MED23: variants seen among roughly 807,000 people sequenced by gnomAD.
The protein encoded by MED23 is mediator complex subunit 23, also known as mediator of RNA polymerase II transcription subunit 23.
MED23 carries 105 observed loss-of-function variants against 163.9 expected under a neutral mutation model. The observed-to-expected ratio is 0.64, with a 90% CI of 0.55 to 0.75. The LOEUF is 0.75. MED23 is among the 30% of genes least tolerant of loss of function. MED23 has a pLI of 0.00. For synonymous variants in MED23, 561 were observed against 565.6 expected (o/e 0.99, Z 0.12); for missense variants, 1,054 against 1,649.0 (o/e 0.64, Z 6.25).
At chr6:131,578,015 T>TA (rs1427095466) in intron 30 of MED23, among the ~76,000 whole-genome samples, 1 of 151,676 alleles carries the variant, frequency 6.6e-6, no homozygotes, top group Non-Finnish European at 1.5e-5. Context: ...ATTCCACTGA[T>TA]ACGACATTCT....
intron 21 of MED23, 110 bp downstream of exon 21, chr6:131,596,408 T>C (rs1181825135): frequency 5.6e-6 from 7 of 1,260,428 alleles, no homozygotes; most frequent in Non-Finnish European, 5.8e-6. Context: ...TACTTCTATA[T>C]AGACAAGAGA....
intron 30 of MED23, among the ~76,000 whole-genome samples, chr6:131,581,723 G>C (rs1323843591): frequency 1.3e-5 from 2 of 152,130 alleles, no homozygotes; most frequent in Non-Finnish European, 2.9e-5. Context: ...CTAGCACCAG[G>C]TCTCCTCATT....
At chr6:131,599,845 C>T (rs1038677181) in intron 18 of MED23, among the ~76,000 whole-genome samples, 193 bp downstream of exon 18, 3 of 151,856 alleles carry the variant, frequency 2.0e-5, no homozygotes, top group Non-Finnish European at 4.4e-5. Context: ...TGGGCTCAAG[C>T]CATCCCCCTT....
At chr6:131,578,809 T>C (rs1005255986) in intron 30 of MED23, among the ~76,000 whole-genome samples, 1 of 152,128 alleles carries the variant, frequency 6.6e-6, no homozygotes, top group Non-Finnish European at 1.5e-5. Context: ...ACAGTGGCAT[T>C]CCCTATTAAG....
In MED23 at chr6:131,587,861, C is replaced by T. The variant is rs778576415; in HGVS notation, c.3940-15G>A. 1.8e-5 allele frequency: 28 copies of T among 1,599,776 alleles called. No homozygotes were observed. The African/African-American group carries it at 2.3e-4, about 13-fold the overall frequency. On this transcript the variant is annotated splice_polypyrimidine_tract_variant and intron_variant, in intron 28 of 28. Coordinates refer to ENST00000368068, the MANE Select transcript of MED23 (RefSeq NM_004830.4). ...ATCTTCTCTACCTAAGAAATAAAAACACATTAAAACGTACTTTAATCAGAG... is the reference window on the plus strand; with the variant it reads ...ATCTTCTCTACCTAAGAAATAAAAATACATTAAAACGTACTTTAATCAGAG...
At chr6:131,583,862 G>A (rs377280518), downstream of MED23, 14 of 1,613,980 alleles carry the variant, frequency 8.7e-6, no homozygotes, top group African/African-American at 8.0e-5. Context: ...GGACTTGCTC[G>A]GGAGGGTAAT....
intron 10 of MED23, among the ~76,000 whole-genome samples, chr6:131,613,470 C>T (rs1189832202): frequency 6.6e-6 from 1 of 152,036 alleles, no homozygotes; most frequent in African/African-American, 2.4e-5. Context: ...AGAGAAAGGA[C>T]AAGAAAGTAT....
At position 131,627,397 on chromosome 6, in the gene MED23, TGAGA is replaced by T. The variant is rs745355488; in HGVS notation, c.154_157del (p.Ser52ArgfsTer31). The T allele has an allele frequency of 3.7e-6, 6 of 1,611,874 alleles. No individual in the cohort carries two copies. The highest frequency in any genetic ancestry group is 1.7e-5 in the Admixed American group (1 of 59,886). On this transcript the variant is annotated frameshift_variant and splice_region_variant, in exon 3 of 29. Coordinates refer to ENST00000368068, the MANE Select transcript of MED23 (RefSeq NM_004830.4). LOFTEE classifies it high-confidence loss of function. ...ATGTATTAAAAATGAAGCGCTCACC[TGAGA>T]AAGACCACCCCAAAACTGTCTGAAG...
At chr6:131,604,529 T>C (rs1333502894) in intron 14 of MED23, among the ~76,000 whole-genome samples, 3 of 152,180 alleles carry the variant, frequency 2.0e-5, no homozygotes, top group Non-Finnish European at 4.4e-5. Flanking sequence ...GCTTTCAATA[T>C]GCATACGGAT....
chr6:131,593,768 A>T (rs549437292), intron 23 of MED23, among the ~76,000 whole-genome samples: 1 of 152,276 alleles, frequency 6.6e-6, no homozygotes, highest in African/African-American at 2.4e-5. Flanking sequence ...TACGTTCTCC[A>T]GTAGCACACA....
At chr6:131,626,145 A>C (rs1396676435) in intron 3 of MED23, among the ~76,000 whole-genome samples, 1 of 151,556 alleles carries the variant, frequency 6.6e-6, no homozygotes, top group Non-Finnish European at 1.5e-5. Context: ...AAAAAAGAAA[A>C]GAAAAAGATA....
downstream of MED23, chr6:131,582,788 C>T (rs1490667467): frequency 1.6e-6 from 2 of 1,266,762 alleles, no homozygotes; most frequent in African/African-American, 2.9e-5. Flanking sequence ...TACTGACCAA[C>T]TCTATGAGAG....
At chr6:131,613,697 T>C (rs1458849940) in intron 10 of MED23, among the ~76,000 whole-genome samples, 1 of 152,226 alleles carries the variant, frequency 6.6e-6, no homozygotes, top group East Asian at 1.9e-4. Context: ...TTTTTGACAA[T>C]GTTTACACTA....
At position 131,591,461 on chromosome 6, in the gene MED23, C is replaced by T; in HGVS notation, c.3538G>A (p.Glu1180Lys). The T allele has an allele frequency of 1.2e-6, 2 of 1,613,958 alleles. No homozygotes were observed. The highest frequency in any genetic ancestry group is 1.7e-6 in the Non-Finnish European group (2 of 1,179,852). ...AATGGATAGCCAACCCACTCTGTTTCAGACGTCAAGCTGGGGCTGCTGATG... is the reference window on the plus strand; with the variant it reads ...AATGGATAGCCAACCCACTCTGTTTTAGACGTCAAGCTGGGGCTGCTGATG... ...SVISSPSLTS[E>K]TEWVGYPFRL... The change falls in exon 26 of 29, where the codon GAA becomes AAA. Residue 1180 changes from glutamate (E) to lysine (K), a missense_variant. Transcript: ENST00000368068.
chr6:131,588,695 T>C (rs1774354200), intron 28 of MED23, among the ~76,000 whole-genome samples: 1 of 152,120 alleles, frequency 6.6e-6, no homozygotes, highest in Non-Finnish European at 1.5e-5. Context: ...GGTAGGAGGA[T>C]GGACTTAACT....
At chr6:131,606,750 A>G (rs1303084100) in intron 12 of MED23, 126 bp from the exon 13 acceptor site, 1 of 823,526 alleles carries the variant, frequency 1.2e-6, no homozygotes, top group Non-Finnish European at 1.9e-6. Context: ...TTTAGCCCCG[A>G]TAATTCAATA....
rs1777660484 is a variant in MED23 at position 131,628,165 on chromosome 6, C to G, written c.-116G>C. ...TCTGGAGGAAACCGTAGCTCCTCGG[C>G]GTCGCTTCCTCCCCCAGCGCTTTAC... On this transcript the variant is annotated 5_prime_UTR_variant, in exon 1 of 29. Coordinates refer to ENST00000368068, the MANE Select transcript of MED23 (RefSeq NM_004830.4). 1.7e-6 allele frequency: 2 copies of G among 1,208,056 alleles called. No individual in the cohort carries two copies. The highest frequency in any genetic ancestry group is 3.4e-5 in the Admixed American group (2 of 58,280). 74.8% of individuals were successfully genotyped at this position (1,208,056 alleles called of 1,614,324 possible).
rs79013811 is a variant in MED23 at position 131,588,270 on chromosome 6, T to C, written c.3940-424A>G. On this transcript the variant is annotated intron_variant, in intron 28 of 28. Coordinates refer to ENST00000368068, the MANE Select transcript of MED23 (RefSeq NM_004830.4). Reference sequence around the variant, plus strand: ...GAAGCATGAAGCATAATTATAAAGTTCTTTGAATAACTCATGTTTGCAACA... The same window carrying C: ...GAAGCATGAAGCATAATTATAAAGTCCTTTGAATAACTCATGTTTGCAACA... Among the ~76,000 whole-genome samples the C allele has an allele frequency of 6.4e-4, 98 of 152,352 alleles. 2 individuals carry two copies. The East Asian group carries it at 0.018, about 28-fold the overall frequency.
intron 9 of MED23, 72 bp from the exon 10 acceptor site, chr6:131,616,074 T>C (rs1024127340): frequency 4.7e-6 from 6 of 1,287,724 alleles, no homozygotes; most frequent in African/African-American, 2.9e-5. Flanking sequence ...AGAAATGAGA[T>C]TAAAAAATCC....
Sources: gnomAD v4.1 joint callset for allele counts (sites outside exome capture counted in the v4.1 genomes callset) on GRCh38, gnomAD v4.1.1 for gene constraint, MANE v1.5 for transcripts, NCBI Gene and HGNC (gene_info 2026-07-23, HGNC 2026-07-21) for gene names.